BAZ1A: variants seen among roughly 807,000 people sequenced by gnomAD.
The protein encoded by BAZ1A is bromodomain adjacent to zinc finger domain protein 1A.
In BAZ1A, 50 loss-of-function variants were observed where a neutral mutation model predicts 185.2. The ratio of observed to expected loss-of-function variants is 0.27; its 90% CI spans 0.22 to 0.34. The LOEUF (loss-of-function observed/expected upper bound fraction) is 0.34. Ranked by LOEUF, BAZ1A falls within the 10% of genes least tolerant of loss-of-function variation. The pLI is 1.00. For synonymous variants in BAZ1A, 571 were observed against 615.6 expected (o/e 0.93, Z 1.07); for missense variants, 1,356 against 1,839.9 (o/e 0.74, Z 4.81).
chr14:34,787,163 G>C (rs1880514216), intron 12 of BAZ1A, among the ~76,000 whole-genome samples: 1 of 150,406 alleles, frequency 6.6e-6, no homozygotes, highest in African/African-American at 2.4e-5. Flanking sequence ...GAACATCTTG[G>C]CCAACATGGT....
In BAZ1A at chr14:34,754,674, C is replaced by T. The variant is rs115652252; in HGVS notation, c.4474+153G>A. On this transcript the variant is annotated intron_variant, in intron 26 of 26. Coordinates refer to ENST00000360310, the MANE Select transcript of BAZ1A (RefSeq NM_013448.3). ...ATACACTAATAAGTACTTGTGGAAC[C>T]TCATGGAATGCCATCTACACAACTA... Among the ~76,000 whole-genome samples the T allele has an allele frequency of 9.3e-3, 1,407 of 151,924 alleles. 32 individuals carry two copies. The highest frequency in any genetic ancestry group is 0.033 in the African/African-American group (1,354 of 41,404).
chr14:34,826,533 T>TAA (rs1292636310), intron 3 of BAZ1A, among the ~76,000 whole-genome samples: 2 of 152,232 alleles, frequency 1.3e-5, no homozygotes, highest in Non-Finnish European at 1.5e-5. Context: ...CTGCTTTTGC[T>TAA]GTATCCCATA....
intron 2 of BAZ1A, among the ~76,000 whole-genome samples, chr14:34,866,112 C>T (rs1360247207): frequency 6.6e-6 from 1 of 152,086 alleles, no homozygotes; most frequent in African/African-American, 2.4e-5. Context: ...CACCTGAACC[C>T]AGGAGTTCAA....
intron 24 of BAZ1A, among the ~76,000 whole-genome samples, chr14:34,761,230 T>C (rs1256509428): frequency 6.6e-6 from 1 of 152,122 alleles, no homozygotes; most frequent in Non-Finnish European, 1.5e-5. Context: ...TGAGCCAAGA[T>C]TGCACCACTG....
chr14:34,835,961 C>T (rs2042323149), intron 3 of BAZ1A, among the ~76,000 whole-genome samples: 2 of 151,780 alleles, frequency 1.3e-5, no homozygotes, highest in South Asian at 2.1e-4. Context: ...TGAGCCACTG[C>T]GCCCAGCTGG....
intron 14 of BAZ1A, among the ~76,000 whole-genome samples, chr14:34,784,600 C>A (rs1880304294): frequency 1.3e-5 from 2 of 151,352 alleles, no homozygotes; most frequent in Admixed American, 1.3e-4. Context: ...TCACTGCAAG[C>A]TCCGCCTTCC....
rs1940053244 is a variant in BAZ1A at position 34,753,390 on chromosome 14, G to C, written c.*118C>G. ...GCTTAATATTAAAATTGAGAATATA[G>C]TGCAGGCCACACTTTCATGTGGTCA... On this transcript the variant is annotated 3_prime_UTR_variant, in exon 27 of 27. Coordinates refer to ENST00000360310, the MANE Select transcript of BAZ1A (RefSeq NM_013448.3). 3.1e-6 allele frequency: 3 copies of C among 966,266 alleles called. No homozygotes were observed. The highest frequency in any genetic ancestry group is 4.7e-6 in the Non-Finnish European group (3 of 636,520). The allele number at this position is 966,266 out of a possible 1,614,324, so 59.9% of individuals were successfully genotyped here.
chr14:34,846,913 T>A (rs576845622), intron 3 of BAZ1A, among the ~76,000 whole-genome samples: 1 of 152,248 alleles, frequency 6.6e-6, no homozygotes, highest in South Asian at 2.1e-4. Flanking sequence ...AAATAATTTT[T>A]AAAAAAGAAC....
chr14:34,825,447 C>CAAAAAAAAAAAAAAAAAA (rs35449855), intron 4 of BAZ1A, among the ~76,000 whole-genome samples: 1 of 55,406 alleles, frequency 1.8e-5, no homozygotes, highest in Non-Finnish European at 3.4e-5. Context: ...AACTCTGTCT[C>CAAAAAAAAAAAAAAAAAA]AAAAAAAAAA....
chr14:34,820,455 T>TAA (rs1373640246), intron 4 of BAZ1A, among the ~76,000 whole-genome samples: 18 of 152,210 alleles, frequency 1.2e-4, no homozygotes, highest in Non-Finnish European at 2.6e-4. Flanking sequence ...TATTGAGATT[T>TAA]AAGAGTTATT....
chr14:34,754,854 C>CT lies in BAZ1A; in HGVS notation c.4446dup (p.Val1483SerfsTer3). On this transcript the variant is annotated frameshift_variant, in exon 26 of 27. Coordinates refer to ENST00000360310, the MANE Select transcript of BAZ1A (RefSeq NM_013448.3). LOFTEE classifies it high-confidence loss of function. ...GCTAATTTATATTCACACTTATTCA[C>CT]TTTTTCACGAATTATATTTAAGGCA... 1 of 1,602,034 alleles carries CT rather than the reference C, an allele frequency of 6.2e-7. No individual in the cohort carries two copies. Among genetic ancestry groups the CT allele is most frequent in the Non-Finnish European group, 8.5e-7 (1 of 1,173,736 alleles).
At chr14:34,869,841 G>A (rs887512084) in intron 2 of BAZ1A, among the ~76,000 whole-genome samples, 2 of 152,272 alleles carry the variant, frequency 1.3e-5, no homozygotes, top group East Asian at 1.9e-4. Context: ...ATAAAGAAAT[G>A]ATATTGAGTG....
intron 17 of BAZ1A, 169 bp downstream of exon 17, chr14:34,780,015 AAC>A: frequency 1.3e-6 from 1 of 742,538 alleles, no homozygotes; most frequent in Non-Finnish European, 2.2e-6. Flanking sequence ...AGGACTTCAT[AAC>A]ACATTTTTAC....
intron 2 of BAZ1A, among the ~76,000 whole-genome samples, chr14:34,873,873 C>T (rs916887832): frequency 2.6e-5 from 4 of 152,198 alleles, no homozygotes; most frequent in African/African-American, 9.7e-5. Context: ...GACGGAGGCT[C>T]TCGCGTCCCG....
chr14:34,862,362 T>G (rs776525524), intron 2 of BAZ1A, 40 bp from the exon 3 acceptor site: 1 of 1,551,836 alleles, frequency 6.4e-7, no homozygotes, highest in Non-Finnish European at 8.7e-7. Flanking sequence ...GCCCATTACC[T>G]ATCATTTCAC....
chr14:34,818,562 G>T (rs1390530593), intron 4 of BAZ1A, among the ~76,000 whole-genome samples: 1 of 152,084 alleles, frequency 6.6e-6, no homozygotes. Flanking sequence ...TATTCTATGG[G>T]TTTTCACAAA....
At chr14:34,813,175 G>T (rs1461468721) in intron 4 of BAZ1A, among the ~76,000 whole-genome samples, 2 of 151,912 alleles carry the variant, frequency 1.3e-5, no homozygotes, top group Non-Finnish European at 2.9e-5. Context: ...TTGAGCTGAG[G>T]AGTTTGAGAC....
chr14:34,756,237 C>G (rs903464963), intron 25 of BAZ1A, among the ~76,000 whole-genome samples: 1 of 151,520 alleles, frequency 6.6e-6, no homozygotes, highest in Non-Finnish European at 1.5e-5. Context: ...CCTCAGCCTC[C>G]AGAGTAGCTG....
intron 23 of BAZ1A, among the ~76,000 whole-genome samples, chr14:34,763,722 T>G (rs1018580597): frequency 6.6e-6 from 1 of 152,220 alleles, no homozygotes; most frequent in Non-Finnish European, 1.5e-5. Context: ...TGTCAGATGA[T>G]TGTTAGCATA....
Sources: allele counts gnomAD v4.1 joint callset (sites outside exome capture counted in the v4.1 genomes callset), GRCh38; gene constraint gnomAD v4.1.1; transcripts MANE v1.5; gene names NCBI Gene and HGNC (gene_info 2026-07-23, HGNC 2026-07-21).